The following SSH1 variants were observed in gnomAD, a reference collection of about 807,000 sequenced individuals.
SSH1 encodes slingshot protein phosphatase 1.
In SSH1, 43 loss-of-function variants were observed where a neutral mutation model predicts 79.7. The observed-to-expected ratio is 0.54, with a 90% confidence interval of 0.42 to 0.70. SSH1 has a LOEUF of 0.70. Among genes scored for constraint, SSH1 ranks in the 30% least tolerant of loss-of-function variants. The pLI is 0.00. For missense variants in SSH1, 1,206 were observed against 1,358.8 expected, an observed-to-expected ratio of 0.89 and a Z score of 1.77; for synonymous variants, 599 against 538.3, an observed-to-expected ratio of 1.11 and a Z score of -1.56.
At chr12:108,853,964 C>T (rs531288972) in intron 1 of SSH1, among the ~76,000 whole-genome samples, 223 of 151,594 alleles carry the variant, frequency 1.5e-3, no homozygotes, top group Non-Finnish European at 2.6e-3. Flanking sequence ...CTGGGAGTCC[C>T]TACATCATAT....
chr12:108,782,363 T>C lies in SSH1; in HGVS notation c.*5625A>G, dbSNP rs1044343262. The C allele has an allele frequency of 1.3e-5, 2 of 151,668 alleles. No individual in the cohort carries two copies. The highest frequency in any genetic ancestry group is 1.9e-4 in the East Asian group (1 of 5,146). The allele number at this position is 151,668 out of a possible 1,614,324, so 9.4% of individuals were successfully genotyped here. A position where few individuals can be genotyped will look rare whatever the true frequency, so the allele number is the denominator to read the frequency against. ...ACACCTCTGGCTTTACATTTCCTAC[T>C]TGTACGGGAAGAGAACCCACCCAAA... On this transcript the variant is annotated 3_prime_UTR_variant, in exon 15 of 15. Transcript: ENST00000326495.
chr12:108,800,026 C>T (rs1383755232), intron 12 of SSH1, among the ~76,000 whole-genome samples: 1 of 152,208 alleles, frequency 6.6e-6, no homozygotes, highest in East Asian at 1.9e-4. Flanking sequence ...CCCCTAACTG[C>T]TGGTCTGAAG....
rs1452442732 is a variant in SSH1, at chr12:108,792,439, C to A, written c.1740G>T (p.Arg580=). ...CCTCCACCTGCAGCAAGGAGCCGCT[C>A]CGACCTTTGGGACTCCCAAACTCTA... ...KKLEFGSPKG[R]SGSLLQVEET... Residue 580 remains arginine (R), a synonymous_variant, in exon 14 of 15, where the codon CGG becomes CGT. Transcript: ENST00000326495. The A allele has an allele frequency of 6.2e-7, 1 of 1,614,220 alleles. No homozygotes were observed. Among genetic ancestry groups the A allele is most frequent in the Admixed American group, 1.7e-5 (1 of 60,030 alleles).
intron 2 of SSH1, among the ~76,000 whole-genome samples, chr12:108,835,020 G>T (rs1217353504): frequency 6.6e-6 from 1 of 152,116 alleles, no homozygotes; most frequent in Non-Finnish European, 1.5e-5. Flanking sequence ...AAAGCCACCT[G>T]GAGGTCAGGT....
In SSH1 at chr12:108,787,871, G is replaced by A. The variant is rs536731026; in HGVS notation, c.*117C>T. On this transcript the variant is annotated 3_prime_UTR_variant, in exon 15 of 15. Coordinates refer to ENST00000326495, the MANE Select transcript of SSH1 (RefSeq NM_018984.4). ...ATGGCAAGAGTAGGGGAAAAGTTAGGATGACTTCACTCGTTTAAGGGAAAT... is the reference window on the plus strand; with the variant it reads ...ATGGCAAGAGTAGGGGAAAAGTTAGAATGACTTCACTCGTTTAAGGGAAAT... 148 of 1,331,772 alleles carry A rather than the reference G, an allele frequency of 1.1e-4. No individual in the cohort carries two copies. The highest frequency in any genetic ancestry group is 1.5e-4 in the Non-Finnish European group (144 of 950,614). 82.5% of individuals were successfully genotyped at this position (1,331,772 alleles called of 1,614,324 possible).
In SSH1 at chr12:108,807,757, C is replaced by T; in HGVS notation, c.607G>A (p.Ala203Thr). 6.2e-7 allele frequency: 1 copy of T among 1,613,822 alleles called. No individual in the cohort carries two copies. The highest frequency in any genetic ancestry group is 1.3e-5 in the African/African-American group (1 of 74,980). The change falls in exon 8 of 15, where the codon GCT becomes ACT. Residue 203 changes from alanine to threonine, a missense_variant. Physicochemically the swap from Ala to Thr is moderately conservative, Grantham distance 58. This residue lies in a region of SSH1 where 116 missense variants were observed against 109.0 expected (regional missense o/e 1.06). Coordinates refer to ENST00000326495, the MANE Select transcript of SSH1 (RefSeq NM_018984.4). This position sits in a 1 kb window ranked among gnomAD's most constrained non-coding sequence, Gnocchi z 5.2. ...RRHNYFPGGV[A>T]LIWATYYESC... The stretch of plus-strand genomic sequence containing the variant: ...TCATAGTAGGTAGCCCAGATGAGAG[C>T]TACACCCCCGGGGAAGTAGTTGTGC...
rs888471928 is a variant in SSH1, at chr12:108,782,301, C to A, written c.*5687G>T. 3 of 152,098 alleles carry A rather than the reference C, an allele frequency of 2.0e-5. No individual in the cohort carries two copies. The highest frequency in any genetic ancestry group is 7.2e-5 in the African/African-American group (3 of 41,398). 9.4% of individuals were successfully genotyped at this position (152,098 alleles called of 1,614,324 possible). On this transcript the variant is annotated 3_prime_UTR_variant, in exon 15 of 15. Transcript: ENST00000326495. ...GCCTCCAGGGTCCTCCCTCTCCCAC[C>A]AGGGCTGGTGGGAGCAGGTTAGATG... is the stretch of plus-strand genomic sequence containing the variant.
intron 2 of SSH1, among the ~76,000 whole-genome samples, chr12:108,851,480 T>C (rs1009125053): frequency 6.6e-6 from 1 of 152,212 alleles, no homozygotes; most frequent in Non-Finnish European, 1.5e-5. Context: ...ACAATATTCC[T>C]GAAAATTTAT....
In SSH1 at chr12:108,792,471, T is replaced by C; in HGVS notation, c.1708A>G (p.Lys570Glu). The change falls in exon 14 of 15, where the codon AAG becomes GAG. Residue 570 changes from lysine to glutamate, a missense_variant. Around this residue, in one of 5 missense-constraint regions of SSH1, gnomAD observed 709 missense variants for 730.6 expected, o/e 0.97. Transcript: ENST00000326495. ...GSGLCEKDVK[K>E]KLEFGSPKGR... ...TTGGGACTCCCAAACTCTAGTTTCT[T>C]CTTCACATCCTTCTCACAGAGTCCG... The C allele has an allele frequency of 1.2e-6, 2 of 1,614,200 alleles. No individual in the cohort carries two copies. Among genetic ancestry groups the C allele is most frequent in the Non-Finnish European group, 1.7e-6 (2 of 1,180,028 alleles).
chr12:108,827,528 TC>T (rs2038356149), intron 2 of SSH1: 1 of 1,280,610 alleles, frequency 7.8e-7, no homozygotes. Context: ...ACTCTTGTCT[TC>T]CTCTGATATT....
intron 2 of SSH1, among the ~76,000 whole-genome samples, chr12:108,827,888 C>T (rs2038368121): frequency 6.6e-6 from 1 of 152,208 alleles, no homozygotes; most frequent in African/African-American, 2.4e-5. Context: ...GTCATGCTAA[C>T]AGCTATCTGA....
At chr12:108,846,103 G>C (rs2038893971) in intron 2 of SSH1, among the ~76,000 whole-genome samples, 1 of 152,170 alleles carries the variant, frequency 6.6e-6, no homozygotes, top group East Asian at 1.9e-4. Context: ...GAGACCAAAA[G>C]GGGAAGGGAG....
At chr12:108,827,305 G>A in intron 2 of SSH1, 5 of 1,551,266 alleles carry the variant, frequency 3.2e-6, no homozygotes, top group Non-Finnish European at 4.4e-6. Context: ...GCAGTGGGTT[G>A]GCTGAAGGAA....
intron 2 of SSH1, among the ~76,000 whole-genome samples, chr12:108,845,458 C>T (rs1341110813): frequency 6.6e-6 from 1 of 152,118 alleles, no homozygotes; most frequent in Non-Finnish European, 1.5e-5. Flanking sequence ...GAGGCCAAGG[C>T]GGGCAGATCA....
In SSH1 at chr12:108,857,565, G is replaced by T; in HGVS notation, c.-69C>A. On this transcript the variant is annotated 5_prime_UTR_variant, in exon 1 of 15. Transcript: ENST00000326495. The surrounding 1 kb of genome is among the most constrained non-coding windows in gnomAD (Gnocchi z 4.7). Reference sequence around the variant, plus strand: ...AGCCGCCACCGCCACCGCCGCCCGGGCCGGGCCCGGGGCCTCCTGGAGCCG... The same window carrying T: ...AGCCGCCACCGCCACCGCCGCCCGGTCCGGGCCCGGGGCCTCCTGGAGCCG... 2.1e-6 allele frequency: 2 copies of T among 954,078 alleles called. No individual in the cohort carries two copies. Among genetic ancestry groups the T allele is most frequent in the Non-Finnish European group, 1.3e-6 (1 of 798,376 alleles). 59.1% of individuals were successfully genotyped at this position (954,078 alleles called of 1,614,324 possible).
chr12:108,836,891 T>A (rs776344594), intron 2 of SSH1: 2 of 533,302 alleles, frequency 3.8e-6, no homozygotes, highest in African/African-American at 3.9e-5. Flanking sequence ...TCAGACACAC[T>A]CACACTGAGG....
chr12:108,804,706 C>T (rs890654563), intron 10 of SSH1, among the ~76,000 whole-genome samples: 12 of 152,146 alleles, frequency 7.9e-5, no homozygotes, highest in African/African-American at 2.9e-4. Context: ...GTTTTTTAGC[C>T]CACAAACCAC....
At chr12:108,811,121 C>T in intron 6 of SSH1, 139 bp downstream of exon 6, 3 of 807,388 alleles carry the variant, frequency 3.7e-6, no homozygotes, top group Non-Finnish European at 6.4e-6. Flanking sequence ...CACTCGAGGG[C>T]AATATGATTT....
At position 108,857,411 on chromosome 12, in the gene SSH1, G is replaced by C. The variant is rs557404974; in HGVS notation, c.69+17C>G. ...CGTCCGGCGGCCCAGGCCGGGCGCG[G>C]CGAGCCCGGGGCTCACCTCGCTGTT... On this transcript the variant is annotated intron_variant, in intron 1 of 14. Transcript: ENST00000326495. The surrounding 1 kb of genome is among the most constrained non-coding windows in gnomAD (Gnocchi z 4.7). 1.8e-3 allele frequency: 1,915 copies of C among 1,036,208 alleles called. 29 individuals carry two copies. In the African/African-American group the frequency reaches 0.031, roughly 17 times the overall value. The allele number at this position is 1,036,208 out of a possible 1,614,324, so 64.2% of individuals were successfully genotyped here. A position where few individuals can be genotyped will look rare whatever the true frequency, so the allele number is the denominator to read the frequency against.
Sources: gnomAD v4.1 joint callset for allele counts (sites outside exome capture counted in the v4.1 genomes callset) on GRCh38, gnomAD v4.1.1 for gene constraint, gnomAD v4.1.1 regional missense constraint, Gnocchi (gnomAD v3.1) non-coding constraint, MANE v1.5 for transcripts, NCBI Gene and HGNC (gene_info 2026-07-23, HGNC 2026-07-21) for gene names.